Variants in ADAMTS9 observed in about 807,000 individuals in gnomAD.
ADAMTS9 encodes A disintegrin and metalloproteinase with thrombospondin motifs 9.
Under a neutral mutation model 257.1 loss-of-function variants are expected in ADAMTS9, and 107 were observed. That is an observed-to-expected ratio of 0.42 (90% CI 0.36 to 0.49). The LOEUF (loss-of-function observed/expected upper bound fraction) is 0.49. Ranked by LOEUF, ADAMTS9 falls within the 20% of genes least tolerant of loss-of-function variation. The pLI, the probability that ADAMTS9 is intolerant of heterozygous loss-of-function variation, is 0.03. For synonymous variants in ADAMTS9, 982 were observed against 880.9 expected (o/e 1.11, Z -2.03); for missense variants, 2,353 against 2,469.1 (o/e 0.95, Z 1.00).
intron 28 of ADAMTS9, among the ~76,000 whole-genome samples, chr3:64,590,590 G>A (rs1037157974): frequency 6.6e-6 from 1 of 152,056 alleles, no homozygotes; most frequent in African/African-American, 2.4e-5. Context: ...ATTTCTTCTA[G>A]GGAGAGAAGC....
intron 10 of ADAMTS9, among the ~76,000 whole-genome samples, chr3:64,648,361 T>C (rs181925522): frequency 6.6e-6 from 1 of 152,274 alleles, no homozygotes; most frequent in East Asian, 1.9e-4. Context: ...CAGTCCTGAG[T>C]AGTGTTCATC....
At chr3:64,617,698 G>A (rs1181953196) in intron 19 of ADAMTS9, among the ~76,000 whole-genome samples, 2 of 152,062 alleles carry the variant, frequency 1.3e-5, no homozygotes, top group Admixed American at 1.3e-4. Context: ...TTTTAAGAAC[G>A]ACTGAATTCA....
chr3:64,655,558 A>C lies in ADAMTS9; in HGVS notation c.1169+18T>G, dbSNP rs1332344972. 1 of 1,582,368 alleles carries C rather than the reference A, an allele frequency of 6.3e-7. No individual in the cohort carries two copies. The highest frequency in any genetic ancestry group is 1.7e-5 in the Admixed American group (1 of 59,932). On this transcript the variant is annotated intron_variant, in intron 6 of 39. Coordinates refer to ENST00000498707, the MANE Select transcript of ADAMTS9 (RefSeq NM_182920.2). ...TGACCTGAGACTGAAAGATCTGAGG[A>C]ATAAGAAATCCATATACCTTGTTAA...
At chr3:64,577,506 G>A (rs992113278) in intron 28 of ADAMTS9, among the ~76,000 whole-genome samples, 10 of 152,336 alleles carry the variant, frequency 6.6e-5, no homozygotes, top group African/African-American at 1.9e-4. Context: ...GGCGGTGGGT[G>A]AGAAATTTGT....
At chr3:64,648,695 A>G (rs1291369900) in intron 10 of ADAMTS9, among the ~76,000 whole-genome samples, 1 of 152,200 alleles carries the variant, frequency 6.6e-6, no homozygotes, top group African/African-American at 2.4e-5. Context: ...CTCCCCTTTT[A>G]GAGTTGAGAT....
At chr3:64,578,994 C>A (rs182932465) in intron 28 of ADAMTS9, among the ~76,000 whole-genome samples, 17 of 152,292 alleles carry the variant, frequency 1.1e-4, no homozygotes, top group Non-Finnish European at 1.3e-4. Flanking sequence ...CAGAGTCAAC[C>A]TTTAAAAACA....
At chr3:64,548,602 G>C (rs1195823524) in intron 31 of ADAMTS9, among the ~76,000 whole-genome samples, 2 of 151,700 alleles carry the variant, frequency 1.3e-5, no homozygotes, top group African/African-American at 4.8e-5. Context: ...TATGTGGGGG[G>C]GAGCCCAGTG....
At chr3:64,610,698 G>A (rs2084649160) in intron 22 of ADAMTS9, among the ~76,000 whole-genome samples, 1 of 152,142 alleles carries the variant, frequency 6.6e-6, no homozygotes, top group Admixed American at 6.5e-5. Flanking sequence ...TGGCGAGGAT[G>A]TGGAGAGAAT....
intron 30 of ADAMTS9, among the ~76,000 whole-genome samples, chr3:64,557,628 T>C (rs1200720890): frequency 6.6e-6 from 1 of 152,164 alleles, no homozygotes; most frequent in African/African-American, 2.4e-5. Context: ...AAAAGAAGTC[T>C]ACTTTGGGAT....
At chr3:64,554,738 G>A (rs774330128) in intron 30 of ADAMTS9, among the ~76,000 whole-genome samples, 10 of 152,040 alleles carry the variant, frequency 6.6e-5, no homozygotes, top group Non-Finnish European at 1.3e-4. Context: ...GGACTAAATC[G>A]GGCAGCTCGC....
intron 8 of ADAMTS9, among the ~76,000 whole-genome samples, chr3:64,653,361 A>G: frequency 6.6e-6 from 1 of 152,208 alleles, no homozygotes; most frequent in African/African-American, 2.4e-5. Context: ...TTTATGTTCT[A>G]AATATGAGGC....
chr3:64,682,330 G>A (rs904396930), intron 2 of ADAMTS9, among the ~76,000 whole-genome samples: 1 of 152,202 alleles, frequency 6.6e-6, no homozygotes, highest in African/African-American at 2.4e-5. Context: ...CTTAGAACTC[G>A]TGAACGGTTT....
chr3:64,576,371 G>A (rs1488398689), intron 28 of ADAMTS9, among the ~76,000 whole-genome samples: 1 of 152,172 alleles, frequency 6.6e-6, no homozygotes, highest in African/African-American at 2.4e-5. Flanking sequence ...GCTCTGCTGT[G>A]AGAGTTGTCA....
chr3:64,526,393 T>C (rs2082910645), intron 38 of ADAMTS9, among the ~76,000 whole-genome samples: 4 of 152,140 alleles, frequency 2.6e-5, no homozygotes, highest in African/African-American at 9.7e-5. Flanking sequence ...TTCTCTTAAT[T>C]CTTAAAAATT....
chr3:64,576,886 G>A (rs1035147932), intron 28 of ADAMTS9, among the ~76,000 whole-genome samples: 3 of 152,162 alleles, frequency 2.0e-5, no homozygotes, highest in African/African-American at 4.8e-5. Flanking sequence ...AAGGGAGATG[G>A]CAGGGCCAGG....
intron 10 of ADAMTS9, among the ~76,000 whole-genome samples, chr3:64,648,880 A>C (rs1021971561): frequency 1.3e-5 from 2 of 152,144 alleles, no homozygotes; most frequent in Non-Finnish European, 2.9e-5. Flanking sequence ...AATAACACAA[A>C]AACAAATATT....
rs370628304 is a variant in ADAMTS9 at position 64,615,948 on chromosome 3, G to A, written c.3024+12C>T. 1.2e-6 allele frequency: 2 copies of A among 1,612,366 alleles called. No homozygotes were observed. The highest frequency in any genetic ancestry group is 1.3e-5 in the African/African-American group (1 of 74,846). ...GCATCCAAGAAGACTCTTTGAGTGA[G>A]AGCCAACTTACTTCAGTCCAGGCAG... On this transcript the variant is annotated intron_variant, in intron 20 of 39. Coordinates refer to ENST00000498707, the MANE Select transcript of ADAMTS9 (RefSeq NM_182920.2).
intron 16 of ADAMTS9, among the ~76,000 whole-genome samples, chr3:64,626,264 A>C (rs1700217691): frequency 6.6e-6 from 1 of 152,162 alleles, no homozygotes; most frequent in African/African-American, 2.4e-5. Flanking sequence ...AAAATAGTTA[A>C]TTTCCCAAGG....
intron 25 of ADAMTS9, among the ~76,000 whole-genome samples, 193 bp from the exon 26 acceptor site, chr3:64,602,406 C>CA (rs1169929483): frequency 6.6e-6 from 1 of 152,158 alleles, no homozygotes. Flanking sequence ...GCTCAGTATT[C>CA]AAAATCACAA....
Sources: allele counts gnomAD v4.1 joint callset (sites outside exome capture counted in the v4.1 genomes callset), GRCh38; gene constraint gnomAD v4.1.1; transcripts MANE v1.5; gene names NCBI Gene and HGNC (gene_info 2026-07-23, HGNC 2026-07-21).